MGRN1: variants seen among roughly 807,000 people sequenced by gnomAD.
The protein encoded by MGRN1 is E3 ubiquitin-protein ligase MGRN1.
MGRN1 carries 29 observed loss-of-function variants against 69.2 expected under a neutral mutation model. The observed-to-expected ratio is 0.42, with a 90% CI of 0.31 to 0.57. The LOEUF (loss-of-function observed/expected upper bound fraction) is 0.57, where lower values mean the gene tolerates loss of function less well. Among genes scored for constraint, MGRN1 ranks in the 20% least tolerant of loss-of-function variants. The pLI, the probability that MGRN1 is intolerant of heterozygous loss-of-function variation, is 0.15. For missense variants in MGRN1, 998 were observed against 796.2 expected, an observed-to-expected ratio of 1.25 and a Z score of -3.05; for synonymous variants, 470 against 344.2, an observed-to-expected ratio of 1.37 and a Z score of -4.04.
At chr16:4,673,773 G>A in intron 10 of MGRN1, 116 bp downstream of exon 10, 4 of 1,311,690 alleles carry the variant, frequency 3.0e-6, no homozygotes, top group Non-Finnish European at 4.2e-6. Context: ...AAGAAGAGTT[G>A]TCATTCATCT....
At chr16:4,686,249 C>T (rs1317524254) in intron 16 of MGRN1, 7 of 1,542,704 alleles carry the variant, frequency 4.5e-6, no homozygotes, top group East Asian at 2.4e-5. Flanking sequence ...CTCTCCCCCT[C>T]TCCGCGCAGC....
chr16:4,660,719 G>A (rs2078657852), intron 5 of MGRN1, among the ~76,000 whole-genome samples: 1 of 152,252 alleles, frequency 6.6e-6, no homozygotes, highest in South Asian at 2.1e-4. Context: ...GACAGCCCTT[G>A]TGGCAGCAGT....
rs377682804 is a variant in MGRN1, at chr16:4,629,150, A to ATGTGTGTGTGTGTG, written c.88+4131_88+4144dup. On this transcript the variant is annotated intron_variant, in intron 1 of 16. Transcript: ENST00000262370. Reference sequence around the variant, plus strand: ...TGCACCTGGCCTGCTTTCTGTTCGTATGTGTGTGTGTGTGTGTGTGTGTGT... The same window carrying ATGTGTGTGTGTGTG: ...TGCACCTGGCCTGCTTTCTGTTCGTATGTGTGTGTGTGTGTGTGTGTGTGTGTGTGTGTGTGTGT... 2.8e-3 allele frequency among the ~76,000 whole-genome samples: 354 copies of ATGTGTGTGTGTGTG among 127,680 alleles called. 1 individual carries two copies. The highest frequency in any genetic ancestry group is 4.2e-3 in the Non-Finnish European group (254 of 59,950). The allele number at this position is 127,680 out of a possible 152,430, so 83.8% of individuals were successfully genotyped here.
In MGRN1 at chr16:4,683,229, C is replaced by G. The variant is rs1357594001; in HGVS notation, c.1488C>G (p.Phe496Leu). ...CTTTCCCCTTTGTTTCCTAGAGTTTCATAACAGAAGAGGTTGATGAGTCGT... is the reference window on the plus strand; with the variant it reads ...CTTTCCCCTTTGTTTCCTAGAGTTTGATAACAGAAGAGGTTGATGAGTCGT... ...ALRESSSPES[F>L]ITEEVDESSS... The change falls in exon 15 of 17, where the codon TTC becomes TTG. Residue 496 changes from phenylalanine to leucine, a missense_variant. Coordinates refer to ENST00000262370, the MANE Select transcript of MGRN1 (RefSeq NM_015246.4). 1.2e-6 allele frequency: 2 copies of G among 1,613,808 alleles called. No homozygotes were observed. Among genetic ancestry groups the G allele is most frequent in the South Asian group, 2.2e-5 (2 of 91,092 alleles).
intron 12 of MGRN1, among the ~76,000 whole-genome samples, chr16:4,680,951 G>A (rs2079169333): frequency 6.6e-6 from 1 of 152,232 alleles, no homozygotes; most frequent in South Asian, 2.1e-4. Flanking sequence ...GGACAGAGCA[G>A]GGGCCCCCGC....
At position 4,642,466 on chromosome 16, in the gene MGRN1, T is replaced by TTGTGTGTGTGTGTGTGTGTGTGTGTG. The variant is rs143119735; in HGVS notation, c.89-7889_89-7864dup. 5.7e-4 allele frequency among the ~76,000 whole-genome samples: 81 copies of TTGTGTGTGTGTGTGTGTGTGTGTGTG among 141,812 alleles called. 1 individual carries two copies. Among genetic ancestry groups the TTGTGTGTGTGTGTGTGTGTGTGTGTG allele is most frequent in the African/African-American group, 1.8e-3 (68 of 37,492 alleles). The allele number at this position is 141,812 out of a possible 152,430, so 93.0% of individuals were successfully genotyped here. On this transcript the variant is annotated intron_variant, in intron 1 of 16. Transcript: ENST00000262370. ...GCATGCACCACCACGGCCAGCTAAT[T>TTGTGTGTGTGTGTGTGTGTGTGTGTG]TGTGTGTGTGTGTGTGTGTGTGTGT...
At chr16:4,625,445 G>A (rs968287864) in intron 1 of MGRN1, among the ~76,000 whole-genome samples, 1 of 152,380 alleles carries the variant, frequency 6.6e-6, no homozygotes, top group African/African-American at 2.4e-5. Flanking sequence ...CGCGGGGGCC[G>A]GCTTTCGCTT....
intron 14 of MGRN1, 65 bp downstream of exon 14, chr16:4,683,011 T>C: frequency 6.7e-7 from 1 of 1,490,420 alleles, no homozygotes; most frequent in South Asian, 1.3e-5. Flanking sequence ...CTTCTGTCGC[T>C]GGAATCAGAC....
chr16:4,637,465 T>C (rs1477933920), intron 1 of MGRN1, among the ~76,000 whole-genome samples: 2 of 152,196 alleles, frequency 1.3e-5, no homozygotes, highest in Non-Finnish European at 2.9e-5. Context: ...TTATCTTTTT[T>C]TCTTACTGGT....
intron 16 of MGRN1, among the ~76,000 whole-genome samples, chr16:4,684,300 A>G (rs1207727478): frequency 1.3e-5 from 2 of 152,236 alleles, no homozygotes; most frequent in African/African-American, 4.8e-5. Context: ...CCCCACTGGG[A>G]TCACCACATG....
intron 1 of MGRN1, 99 bp downstream of exon 1, chr16:4,625,147 C>T (rs1750713221): frequency 8.7e-7 from 1 of 1,149,810 alleles, no homozygotes; most frequent in Non-Finnish European, 1.2e-6. Flanking sequence ...CCCTGCTCGG[C>T]CCCCTCCGGG....
intron 15 of MGRN1, 108 bp downstream of exon 15, chr16:4,683,377 C>T (rs2079233201): frequency 7.4e-7 from 1 of 1,345,038 alleles, no homozygotes; most frequent in African/African-American, 1.5e-5. Flanking sequence ...TCTTCTGCCC[C>T]AGGAACCCTC....
rs1222618904 is a variant in MGRN1, at chr16:4,673,481, A to G, written c.796-17A>G. 11 of 1,609,382 alleles carry G rather than the reference A, an allele frequency of 6.8e-6. No individual in the cohort carries two copies. Among genetic ancestry groups the G allele is most frequent in the Non-Finnish European group, 9.3e-6 (11 of 1,179,068 alleles). ...GCCTTTGGGAGGCTGCTGACCCACA[A>G]GCCCTTGTCCCGGCAGCCCTCGGAC... is the stretch of plus-strand genomic sequence containing the variant. On this transcript the variant is annotated splice_polypyrimidine_tract_variant and intron_variant, in intron 9 of 16. Coordinates refer to ENST00000262370, the MANE Select transcript of MGRN1 (RefSeq NM_015246.4).
chr16:4,637,131 A>G (rs1898341413), intron 1 of MGRN1, among the ~76,000 whole-genome samples: 1 of 140,760 alleles, frequency 7.1e-6, no homozygotes, highest in Non-Finnish European at 1.5e-5. Flanking sequence ...AAAAAAAAAA[A>G]AAAAAAAAAA....
chr16:4,687,940 C>G (rs939514215), intron 16 of MGRN1: 1 of 985,560 alleles, frequency 1.0e-6, no homozygotes, highest in Non-Finnish European at 1.2e-6. Flanking sequence ...CAGTCAGCAC[C>G]TTTCAGACGG....
At chr16:4,632,925 A>G (rs1051760891) in intron 1 of MGRN1, among the ~76,000 whole-genome samples, 24 of 152,152 alleles carry the variant, frequency 1.6e-4, no homozygotes, top group African/African-American at 5.6e-4. Flanking sequence ...TCTACAAAAA[A>G]TAAAAAAATT....
intron 12 of MGRN1, 54 bp from the exon 13 acceptor site, chr16:4,681,496 T>C: frequency 6.5e-7 from 1 of 1,529,664 alleles, no homozygotes; most frequent in Non-Finnish European, 8.9e-7. Flanking sequence ...GAGGAGCGTC[T>C]GGGGAGCAGG....
At chr16:4,639,035 G>A (rs1040391428) in intron 1 of MGRN1, among the ~76,000 whole-genome samples, 1 of 152,200 alleles carries the variant, frequency 6.6e-6, no homozygotes, top group Admixed American at 6.5e-5. Context: ...CACTGGTTGT[G>A]TGACCTGAGC....
At chr16:4,657,160 C>T in intron 4 of MGRN1, 86 bp from the exon 5 acceptor site, 2 of 1,284,126 alleles carry the variant, frequency 1.6e-6, no homozygotes, top group South Asian at 2.4e-5. Context: ...GTGTCTGCGG[C>T]CCTTCCAGCT....
Sources: allele counts gnomAD v4.1 joint callset (sites outside exome capture counted in the v4.1 genomes callset), GRCh38; gene constraint gnomAD v4.1.1; transcripts MANE v1.5; gene names NCBI Gene and HGNC (gene_info 2026-07-23, HGNC 2026-07-21).